The following LDB2 variants were observed in gnomAD, a reference collection of about 807,000 sequenced individuals.
LDB2 encodes the protein LIM domain-binding protein 2.
LDB2 carries 12 observed loss-of-function variants against 44.3 expected under a neutral mutation model. That is an observed-to-expected ratio of 0.27 (90% CI 0.17 to 0.44). LDB2 has a LOEUF of 0.44. Ranked by LOEUF, LDB2 falls within the 20% of genes least tolerant of loss-of-function variation. LDB2 has a pLI of 1.00. For synonymous variants in LDB2, 164 were observed against 174.8 expected, an observed-to-expected ratio of 0.94 and a Z score of 0.49; for missense variants, 344 against 473.5, an observed-to-expected ratio of 0.73 and a Z score of 2.54.
At chr4:16,605,095 T>TA (rs371394019) in intron 2 of LDB2, among the ~76,000 whole-genome samples, 2 of 151,784 alleles carry the variant, frequency 1.3e-5, no homozygotes, top group Non-Finnish European at 2.9e-5. Context: ...TATATTTTTT[T>TA]AAAAAATCAT....
chr4:16,692,945 T>C (rs1751152444), intron 2 of LDB2, among the ~76,000 whole-genome samples: 1 of 152,216 alleles, frequency 6.6e-6, no homozygotes. Context: ...TTCCTTGAGG[T>C]AGAGATTATT....
chr4:16,654,988 A>T (rs1418172558), intron 2 of LDB2, among the ~76,000 whole-genome samples: 2 of 152,160 alleles, frequency 1.3e-5, no homozygotes, highest in Non-Finnish European at 2.9e-5. Context: ...CAGAAAAAAA[A>T]AATTATCCTA....
chr4:16,758,390 T>G (rs555757196), intron 2 of LDB2, among the ~76,000 whole-genome samples: 1 of 152,356 alleles, frequency 6.6e-6, no homozygotes, highest in East Asian at 1.9e-4. Context: ...TTTCCTCTGA[T>G]GGATTCTTTC....
At chr4:16,752,339 G>GA in intron 2 of LDB2, 1 of 407,586 alleles carries the variant, frequency 2.5e-6, no homozygotes, top group South Asian at 1.8e-5. Flanking sequence ...AATGGGGGAT[G>GA]AAAATCTCAC....
At chr4:16,651,959 TTTC>T (rs1302567897) in intron 2 of LDB2, among the ~76,000 whole-genome samples, 1 of 152,186 alleles carries the variant, frequency 6.6e-6, no homozygotes, top group Non-Finnish European at 1.5e-5. Flanking sequence ...TTTCCTTTCA[TTTC>T]TTTATTTCAG....
chr4:16,878,179 G>T (rs546094734), intron 1 of LDB2, among the ~76,000 whole-genome samples: 2 of 152,314 alleles, frequency 1.3e-5, no homozygotes, highest in Admixed American at 6.5e-5. Context: ...GAAGTTGGAC[G>T]TGGAGAATTG....
chr4:16,739,648 ATGTGTGTATATATG>A (rs1375082883), intron 2 of LDB2, among the ~76,000 whole-genome samples: 2 of 77,200 alleles, frequency 2.6e-5, no homozygotes, highest in African/African-American at 1.0e-4. Context: ...ATATATACAT[ATGTGTGTATATATG>A]TATATATACA....
intron 1 of LDB2, among the ~76,000 whole-genome samples, chr4:16,864,617 C>T (rs1421445541): frequency 1.3e-5 from 2 of 152,122 alleles, no homozygotes. Context: ...GGAACTGCAA[C>T]CAACTCTTAA....
At chr4:16,695,707 C>T (rs972676027) in intron 2 of LDB2, among the ~76,000 whole-genome samples, 5 of 152,038 alleles carry the variant, frequency 3.3e-5, no homozygotes, top group Non-Finnish European at 7.4e-5. Flanking sequence ...CAAAAGCAGC[C>T]CTAGATGACA....
At chr4:16,608,201 T>G (rs572510737) in intron 2 of LDB2, among the ~76,000 whole-genome samples, 2 of 131,798 alleles carry the variant, frequency 1.5e-5, no homozygotes, top group African/African-American at 6.8e-5. Context: ...AAAATCACAC[T>G]TCTTCAAAAA....
chr4:16,702,888 G>A (rs1436360052), intron 2 of LDB2, among the ~76,000 whole-genome samples: 2 of 152,132 alleles, frequency 1.3e-5, no homozygotes, highest in Non-Finnish European at 2.9e-5. Context: ...GCCCTTGAAT[G>A]CCTATGTACT....
intron 1 of LDB2, among the ~76,000 whole-genome samples, chr4:16,868,467 C>A (rs1352312177): frequency 6.6e-6 from 1 of 152,162 alleles, no homozygotes; most frequent in Non-Finnish European, 1.5e-5. Context: ...AGGTCAGAGT[C>A]ATCACCCCCA....
chr4:16,784,254 C>G (rs1773915534), intron 1 of LDB2, among the ~76,000 whole-genome samples: 1 of 152,156 alleles, frequency 6.6e-6, no homozygotes, highest in Non-Finnish European at 1.5e-5. Context: ...CGGAGCTTGT[C>G]AGAGCTACAA....
intron 2 of LDB2, among the ~76,000 whole-genome samples, chr4:16,709,134 G>C (rs1755305804): frequency 6.6e-6 from 1 of 152,046 alleles, no homozygotes; most frequent in African/African-American, 2.4e-5. Flanking sequence ...CCAGTGCCTA[G>C]CTCAGAATAG....
intron 1 of LDB2, among the ~76,000 whole-genome samples, chr4:16,768,562 C>G (rs928697774): frequency 1.3e-5 from 2 of 152,054 alleles, no homozygotes; most frequent in Non-Finnish European, 2.9e-5. Context: ...AAAAAAATCC[C>G]AAATCTCATG....
At position 16,537,208 on chromosome 4, in the gene LDB2, G is replaced by C. The variant is rs567187727; in HGVS notation, c.616-25104C>G. 5.3e-5 allele frequency among the ~76,000 whole-genome samples: 8 copies of C among 152,248 alleles called. No homozygotes were observed. In the South Asian group the frequency reaches 1.7e-3, roughly 32 times the overall value. On this transcript the variant is annotated intron_variant, in intron 5 of 7. Transcript: ENST00000304523. The stretch of plus-strand genomic sequence containing the variant: ...GACTTCTAAAACCCTTTTATTCTTT[G>C]TGACAAAGCAAGCAAACTATGGGAG...
chr4:16,881,362 T>C (rs1489138872), intron 1 of LDB2, among the ~76,000 whole-genome samples: 1 of 152,220 alleles, frequency 6.6e-6, no homozygotes, highest in East Asian at 1.9e-4. Context: ...CAGTAGTGTG[T>C]GGCTTAATTG....
intron 5 of LDB2, among the ~76,000 whole-genome samples, chr4:16,578,982 G>A (rs538552990): frequency 4.6e-5 from 7 of 152,280 alleles, no homozygotes; most frequent in South Asian, 4.1e-4. Context: ...ATCTGTGGGA[G>A]CTAAAAATTA....
At chr4:16,759,091 A>G in intron 2 of LDB2, 67 bp downstream of exon 2, 1 of 996,878 alleles carries the variant, frequency 1.0e-6, no homozygotes, top group South Asian at 1.3e-5. Context: ...CTATTCTCTG[A>G]AGACCCCTGC....
Sources: gnomAD v4.1 joint callset for allele counts (sites outside exome capture counted in the v4.1 genomes callset) on GRCh38, gnomAD v4.1.1 for gene constraint, MANE v1.5 for transcripts, NCBI Gene and HGNC (gene_info 2026-07-23, HGNC 2026-07-21) for gene names.